NSMCE2: variants seen among roughly 807,000 people sequenced by gnomAD.
NSMCE2 encodes the protein NSE2 SUMO ligase component of SMC5/6 complex.
In NSMCE2, 24 loss-of-function variants were observed where a neutral mutation model predicts 23.8. The ratio of observed to expected loss-of-function variants is 1.01; its 90% CI spans 0.73 to 1.42. The LOEUF (loss-of-function observed/expected upper bound fraction) is 1.42. NSMCE2 is among the 40% of genes most tolerant of loss of function. The pLI is 0.00. For synonymous variants in NSMCE2, 92 were observed against 94.1 expected (o/e 0.98, Z 0.13); for missense variants, 284 against 296.5 (o/e 0.96, Z 0.31).
At chr8:125,223,680 G>A (rs1056759268) in intron 5 of NSMCE2, among the ~76,000 whole-genome samples, 5 of 152,118 alleles carry the variant, frequency 3.3e-5, no homozygotes, top group South Asian at 4.1e-4. Context: ...CAGATGTGAA[G>A]TGATTATCTC....
At chr8:125,183,637 G>A (rs1822939377) in intron 5 of NSMCE2, among the ~76,000 whole-genome samples, 1 of 148,514 alleles carries the variant, frequency 6.7e-6, no homozygotes, top group Non-Finnish European at 1.5e-5. Context: ...ACTCAGTGGT[G>A]TGTGTGTGTG....
At chr8:125,233,326 T>A (rs78981325) in intron 5 of NSMCE2, among the ~76,000 whole-genome samples, 1 of 152,332 alleles carries the variant, frequency 6.6e-6, no homozygotes, top group East Asian at 1.9e-4. Flanking sequence ...TTGTGATTAA[T>A]TTTTATTGAT....
intron 5 of NSMCE2, among the ~76,000 whole-genome samples, chr8:125,310,849 A>G (rs1233876666): frequency 2.0e-5 from 3 of 152,182 alleles, no homozygotes; most frequent in African/African-American, 7.2e-5. Context: ...GATTAATGAG[A>G]TATGTTTATT....
At chr8:125,187,632 AC>A (rs1823163964) in intron 5 of NSMCE2, among the ~76,000 whole-genome samples, 1 of 152,156 alleles carries the variant, frequency 6.6e-6, no homozygotes, top group Admixed American at 6.5e-5. Context: ...TTTACCTGTT[AC>A]GTGACTATCA....
At chr8:125,105,543 A>G (rs1047962599) in intron 3 of NSMCE2, among the ~76,000 whole-genome samples, 1 of 152,206 alleles carries the variant, frequency 6.6e-6, no homozygotes, top group Non-Finnish European at 1.5e-5. Flanking sequence ...CAATTTAAGA[A>G]GAATTATAAA....
At chr8:125,152,343 T>G (rs1275131777) in intron 4 of NSMCE2, among the ~76,000 whole-genome samples, 1 of 152,190 alleles carries the variant, frequency 6.6e-6, no homozygotes, top group East Asian at 1.9e-4. Flanking sequence ...GACTAGAGGC[T>G]TTCAATTTCA....
chr8:125,269,151 G>A (rs779618194), intron 5 of NSMCE2, among the ~76,000 whole-genome samples: 5 of 152,042 alleles, frequency 3.3e-5, no homozygotes, highest in African/African-American at 7.3e-5. Flanking sequence ...CAAGTGACAC[G>A]ATCTCGACTC....
chr8:125,255,416 G>A (rs773139826), intron 5 of NSMCE2, among the ~76,000 whole-genome samples: 3 of 152,084 alleles, frequency 2.0e-5, no homozygotes, highest in African/African-American at 7.2e-5. Context: ...ACACTGAGTC[G>A]AGACACCTAA....
intron 5 of NSMCE2, among the ~76,000 whole-genome samples, chr8:125,292,914 G>C (rs1274159355): frequency 2.0e-5 from 3 of 152,130 alleles, no homozygotes; most frequent in Non-Finnish European, 4.4e-5. Context: ...TCAAATGTTG[G>C]CAGGTCATAC....
At chr8:125,197,121 C>G (rs894022226) in intron 5 of NSMCE2, among the ~76,000 whole-genome samples, 1 of 152,124 alleles carries the variant, frequency 6.6e-6, no homozygotes, top group African/African-American at 2.4e-5. Context: ...AGGTAGATTG[C>G]AAAAATATTC....
intron 4 of NSMCE2, among the ~76,000 whole-genome samples, chr8:125,173,300 G>A (rs1004119373): frequency 2.0e-5 from 3 of 152,156 alleles, no homozygotes; most frequent in Admixed American, 6.5e-5. Context: ...TGGGGGAATT[G>A]CAAGTTGGTC....
intron 3 of NSMCE2, among the ~76,000 whole-genome samples, chr8:125,113,413 A>G (rs752133250): frequency 1.1e-4 from 17 of 152,176 alleles, no homozygotes; most frequent in Non-Finnish European, 2.2e-4. Context: ...CCAGGAGTTC[A>G]AGGCTACAGC....
At chr8:125,279,195 G>A (rs1212960688) in intron 5 of NSMCE2, among the ~76,000 whole-genome samples, 1 of 152,160 alleles carries the variant, frequency 6.6e-6, no homozygotes, top group Non-Finnish European at 1.5e-5. Context: ...GATAGATGTG[G>A]TTCCGTGCAC....
At chr8:125,146,695 A>G (rs919665896) in intron 3 of NSMCE2, among the ~76,000 whole-genome samples, 3 of 152,150 alleles carry the variant, frequency 2.0e-5, no homozygotes, top group Admixed American at 1.3e-4. Context: ...GAATTGAACA[A>G]TGAGAACACA....
chr8:125,357,184 CCA>C, intron 5 of NSMCE2, 33 bp from the exon 6 acceptor site: 1 of 1,337,664 alleles, frequency 7.5e-7, no homozygotes, highest in Non-Finnish European at 1.1e-6. Context: ...TGACGTTAGA[CCA>C]GAGAGGCTTA....
chr8:125,218,206 T>C (rs981055819), intron 5 of NSMCE2, among the ~76,000 whole-genome samples: 4 of 152,204 alleles, frequency 2.6e-5, no homozygotes, highest in Admixed American at 2.0e-4. Flanking sequence ...AGCAGACTGA[T>C]ATTTTTTACT....
chr8:125,357,436 A>C, intron 6 of NSMCE2, 117 bp downstream of exon 6: 2 of 759,108 alleles, frequency 2.6e-6, no homozygotes, highest in Non-Finnish European at 4.5e-6. Context: ...GAGTAAAGAA[A>C]AGTGCTGGGG....
intron 5 of NSMCE2, among the ~76,000 whole-genome samples, chr8:125,185,894 T>A (rs1018986800): frequency 6.6e-6 from 1 of 152,232 alleles, no homozygotes; most frequent in Non-Finnish European, 1.5e-5. Flanking sequence ...CATATTTGCA[T>A]CTGCATTTGG....
chr8:125,269,669 A>G (rs973051073), intron 5 of NSMCE2, among the ~76,000 whole-genome samples: 2 of 152,234 alleles, frequency 1.3e-5, no homozygotes, highest in African/African-American at 4.8e-5. Flanking sequence ...CCTCTTGGCA[A>G]TAGTTCATGG....
Sources: allele counts gnomAD v4.1 joint callset (sites outside exome capture counted in the v4.1 genomes callset), GRCh38; gene constraint gnomAD v4.1.1; transcripts MANE v1.5; gene names NCBI Gene and HGNC (gene_info 2026-07-23, HGNC 2026-07-21).